Variants in FOXS1 observed in about 807,000 individuals in gnomAD.
FOXS1 encodes forkhead box S1.
A neutral mutation model predicts 13.0 loss-of-function variants in FOXS1; 7 were observed. That is an observed-to-expected ratio of 0.54 (90% CI 0.31 to 1.01). The LOEUF (loss-of-function observed/expected upper bound fraction) is 1.01, where lower values mean the gene tolerates loss of function less well. Among genes scored for constraint, FOXS1 ranks in the 50% least tolerant of loss-of-function variants. The pLI, the probability that FOXS1 is intolerant of heterozygous loss-of-function variation, is 0.06. For missense variants in FOXS1, 414 were observed against 464.1 expected (o/e 0.89, Z 0.99); for synonymous variants, 161 against 189.3 (o/e 0.85, Z 1.23).
At position 31,845,076 on chromosome 20, in the gene FOXS1, G is replaced by T; in HGVS notation, c.467C>A (p.Pro156Gln). 6.2e-7 allele frequency: 1 copy of T among 1,610,708 alleles called. No homozygotes were observed. Among genetic ancestry groups the T allele is most frequent in the Non-Finnish European group, 8.5e-7 (1 of 1,179,632 alleles). ...TAGGCCCTTGGGATCTGGCAGCTCT[G>T]GTGGGAATGAGCACTGCCTGCCGGT... is the stretch of plus-strand genomic sequence containing the variant. The part of the protein sequence containing the change: ...ATTGRQCSFP[P>Q]ELPDPKGLSF... The change falls in exon 1 of 1, where the codon CCA becomes CAA. Residue 156 changes from proline to glutamine, a missense_variant. Physicochemically the swap from Pro to Gln is moderately conservative, Grantham distance 76. Coordinates refer to ENST00000375978, the MANE Select transcript of FOXS1 (RefSeq NM_004118.4).
chr20:31,844,992 C>A lies in FOXS1; in HGVS notation c.551G>T (p.Gly184Val), dbSNP rs931240446. The stretch of plus-strand genomic sequence containing the variant: ...GGGCTCCATGGGTGGCCGAGGCCTG[C>A]CATCAGTGGTTGCTGGGCACATACT... ...PASMCPATTD[G>V]RPRPPMEPKE... The change falls in exon 1 of 1, where the codon GGC becomes GTC. Residue 184 changes from glycine (G) to valine (V), a missense_variant. Transcript: ENST00000375978. The A allele has an allele frequency of 1.9e-6, 3 of 1,614,044 alleles. No homozygotes were observed. The highest frequency in any genetic ancestry group is 2.5e-6 in the Non-Finnish European group (3 of 1,180,004).
Position 31,845,553 on chromosome 20 carries a change from C to A in FOXS1, c.-11G>T. The A allele has an allele frequency of 6.2e-7, 1 of 1,608,890 alleles. No individual in the cohort carries two copies. Among genetic ancestry groups the A allele is most frequent in the Non-Finnish European group, 8.5e-7 (1 of 1,176,848 alleles). ...AGGCTGCTGCTGCATGCTGGCCGGGCTGCCAGGCTGCTGGGACCTGCTGGG... is the reference window on the plus strand; with the variant it reads ...AGGCTGCTGCTGCATGCTGGCCGGGATGCCAGGCTGCTGGGACCTGCTGGG... On this transcript the variant is annotated 5_prime_UTR_variant, in exon 1 of 1. Coordinates refer to ENST00000375978, the MANE Select transcript of FOXS1 (RefSeq NM_004118.4).
chr20:31,844,785 T>G lies in FOXS1; in HGVS notation c.758A>C (p.Gln253Pro), dbSNP rs1358505509. 1.2e-6 allele frequency: 2 copies of G among 1,614,056 alleles called. No individual in the cohort carries two copies. Among genetic ancestry groups the G allele is most frequent in the Admixed American group, 3.3e-5 (2 of 60,010 alleles). ...AGCCCCCATGCAAAAATTCAGTGCC[T>G]GCAGCCGACACTGGTAGCTGCTCCC... ...GIGSSYQCRL[Q>P]ALNFCMGADP... Residue 253 changes from glutamine to proline, a missense_variant, in exon 1 of 1, where the codon CAG becomes CCG. Physicochemically the swap from Gln to Pro is moderately conservative, Grantham distance 76. Transcript: ENST00000375978.
At position 31,844,370 on chromosome 20, in the gene FOXS1, C is replaced by CA; in HGVS notation, c.*179dup. On this transcript the variant is annotated 3_prime_UTR_variant, in exon 1 of 1. Coordinates refer to ENST00000375978, the MANE Select transcript of FOXS1 (RefSeq NM_004118.4). Reference sequence around the variant, plus strand: ...AATCCCAAGAGGCCCTGCTTCCCCTCACCCCCAAGTTTGTCCGGAGGCCCC... The same window carrying CA: ...AATCCCAAGAGGCCCTGCTTCCCCTCAACCCCCAAGTTTGTCCGGAGGCCCC... The CA allele has an allele frequency of 1.4e-6, 1 of 692,474 alleles. No individual in the cohort carries two copies. Among genetic ancestry groups the CA allele is most frequent in the South Asian group, 1.9e-5 (1 of 51,990 alleles). 42.9% of individuals were successfully genotyped at this position (692,474 alleles called of 1,614,324 possible).
Position 31,844,618 on chromosome 20 carries a change from C to T in FOXS1, c.925G>A (p.Gly309Ser), listed in dbSNP as rs2062361654. ...WVAGGFPVQG[G>S]SGYPLGLTPC... ...GTCAGCCCCAATGGGTAGCCGGAGC[C>T]TCCCTGGACAGGGAAGCCACCTGCA... The change falls in exon 1 of 1, where the codon GGC (glycine) becomes AGC (serine). Residue 309 changes from glycine to serine, a missense_variant. By Grantham distance (56) the Gly-to-Ser change is moderately conservative. Coordinates refer to ENST00000375978, the MANE Select transcript of FOXS1 (RefSeq NM_004118.4). The T allele has an allele frequency of 6.2e-7, 1 of 1,614,054 alleles. No individual in the cohort carries two copies. The highest frequency in any genetic ancestry group is 8.5e-7 in the Non-Finnish European group (1 of 1,179,984).
At position 31,844,355 on chromosome 20, in the gene FOXS1, G is replaced by T; in HGVS notation, c.*195C>A. Reference sequence around the variant, plus strand: ...GAGAGCCACAGAGTAAATCCCAAGAGGCCCTGCTTCCCCTCACCCCCAAGT... The same window carrying T: ...GAGAGCCACAGAGTAAATCCCAAGATGCCCTGCTTCCCCTCACCCCCAAGT... On this transcript the variant is annotated 3_prime_UTR_variant, in exon 1 of 1. Coordinates refer to ENST00000375978, the MANE Select transcript of FOXS1 (RefSeq NM_004118.4). 1.6e-6 allele frequency: 1 copy of T among 631,284 alleles called. No homozygotes were observed. The highest frequency in any genetic ancestry group is 2.8e-6 in the Non-Finnish European group (1 of 360,294). The allele number at this position is 631,284 out of a possible 1,614,324, so 39.1% of individuals were successfully genotyped here.
At position 31,844,424 on chromosome 20, in the gene FOXS1, C is replaced by T. The variant is rs914253550; in HGVS notation, c.*126G>A. ...GGCCTGGCTGAGCACCGCTTCAATC[C>T]TGGCTTTCTGTGTGGTTGTCCTTGG... On this transcript the variant is annotated 3_prime_UTR_variant, in exon 1 of 1. Transcript: ENST00000375978. The T allele has an allele frequency of 1.6e-6, 2 of 1,243,506 alleles. No homozygotes were observed. The highest frequency in any genetic ancestry group is 1.5e-5 in the African/African-American group (1 of 66,276). The allele number at this position is 1,243,506 out of a possible 1,614,324, so 77.0% of individuals were successfully genotyped here.
In FOXS1 at chr20:31,844,680, G is replaced by A. The variant is rs781207851; in HGVS notation, c.863C>T (p.Pro288Leu). Reference protein sequence around the residue: ...PPTPPGSLRAPLPLPTDHKEP... With the variant: ...PPTPPGSLRALLPLPTDHKEP... ...CTTGTGGTCAGTTGGCAGGGGCAGT[G>A]GGGCCCGGAGTGAGCCTGGAGGGGT... Residue 288 changes from proline (P) to leucine (L), a missense_variant, in exon 1 of 1, where the codon CCA (proline) becomes CTA (leucine). Physicochemically the swap from Pro to Leu is moderately conservative, Grantham distance 98 (BLOSUM62 -3). Transcript: ENST00000375978. 2 of 1,613,212 alleles carry A rather than the reference G, an allele frequency of 1.2e-6. No individual in the cohort carries two copies. The highest frequency in any genetic ancestry group is 8.5e-7 in the Non-Finnish European group (1 of 1,179,368).
rs753931627 is a variant in FOXS1 at position 31,844,638 on chromosome 20, C to T, written c.905G>A (p.Gly302Asp). 1 of 1,613,938 alleles carries T rather than the reference C, an allele frequency of 6.2e-7. No individual in the cohort carries two copies. Among genetic ancestry groups the T allele is most frequent in the South Asian group, 1.1e-5 (1 of 91,074 alleles). ...PTDHKEPWVA[G>D]GFPVQGGSGY... ...GGAGCCTCCCTGGACAGGGAAGCCA[C>T]CTGCAACCCAGGGTTCCTTGTGGTC... The change falls in exon 1 of 1, where the codon GGT becomes GAT. Residue 302 changes from glycine (G) to aspartate (D), a missense_variant. Coordinates refer to ENST00000375978, the MANE Select transcript of FOXS1 (RefSeq NM_004118.4).
chr20:31,845,518 G>A lies in FOXS1; in HGVS notation c.25C>T (p.Pro9Ser), dbSNP rs2062370002. ...GTTGGCTCAGTTGTGGGGGCGCCAG[G>A]CCCGGGCAGAGGCTGCTGCTGCATG... is the stretch of plus-strand genomic sequence containing the variant. MQQQPLPG[P>S]GAPTTEPTKP... The change falls in exon 1 of 1, where the codon CCT becomes TCT. Residue 9 changes from proline to serine, a missense_variant. Coordinates refer to ENST00000375978, the MANE Select transcript of FOXS1 (RefSeq NM_004118.4). 6.2e-7 allele frequency: 1 copy of A among 1,613,610 alleles called. No individual in the cohort carries two copies. Among genetic ancestry groups the A allele is most frequent in the African/African-American group, 1.3e-5 (1 of 75,058 alleles).
In FOXS1 at chr20:31,844,467, C is replaced by G; in HGVS notation, c.*83G>C. The G allele has an allele frequency of 6.6e-7, 1 of 1,516,196 alleles. No homozygotes were observed. Among genetic ancestry groups the G allele is most frequent in the South Asian group, 1.2e-5 (1 of 81,140 alleles). 93.9% of individuals were successfully genotyped at this position (1,516,196 alleles called of 1,614,324 possible). A position where few individuals can be genotyped will look rare whatever the true frequency, so the allele number is the denominator to read the frequency against. Reference sequence around the variant, plus strand: ...GTCCTTGGCTCACCAGGGCTGGGTCCTTCGAGAGTTCTTCAGGTCCTAGAG... The same window carrying G: ...GTCCTTGGCTCACCAGGGCTGGGTCGTTCGAGAGTTCTTCAGGTCCTAGAG... On this transcript the variant is annotated 3_prime_UTR_variant, in exon 1 of 1. Transcript: ENST00000375978.
rs758400595 is a variant in FOXS1 at position 31,845,014 on chromosome 20, TACTG to T, written c.525_528del (p.Ser176CysfsTer79). 4.3e-6 allele frequency: 7 copies of T among 1,613,742 alleles called. No individual in the cohort carries two copies. In the Admixed American group the frequency reaches 1.0e-4, roughly 23 times the overall value. On this transcript the variant is annotated frameshift_variant, in exon 1 of 1. Coordinates refer to ENST00000375978, the MANE Select transcript of FOXS1 (RefSeq NM_004118.4). LOFTEE classifies it low-confidence loss of function (END_TRUNC). ...CTGCCATCAGTGGTTGCTGGGCACA[TACTG>T]GCTGGCATGGCCCCCACCAGACCCC...
In FOXS1 at chr20:31,844,335, C is replaced by G; in HGVS notation, c.*215G>C. The G allele has an allele frequency of 1.7e-6, 1 of 598,670 alleles. No homozygotes were observed. The highest frequency in any genetic ancestry group is 2.9e-5 in the East Asian group (1 of 34,144). 37.1% of individuals were successfully genotyped at this position (598,670 alleles called of 1,614,324 possible). A position where few individuals can be genotyped will look rare whatever the true frequency, so the allele number is the denominator to read the frequency against. On this transcript the variant is annotated 3_prime_UTR_variant, in exon 1 of 1. Coordinates refer to ENST00000375978, the MANE Select transcript of FOXS1 (RefSeq NM_004118.4). ...CACATGGCTTTATTGGCCCTGAGAGCCACAGAGTAAATCCCAAGAGGCCCT... is the reference window on the plus strand; with the variant it reads ...CACATGGCTTTATTGGCCCTGAGAGGCACAGAGTAAATCCCAAGAGGCCCT...
Position 31,845,000 on chromosome 20 carries a change from G to A in FOXS1, c.543C>T (p.Thr181=). ...GAMPASMCPA[T]TDGRPRPPME... is the part of the protein sequence containing the mutation. ...TGGGTGGCCGAGGCCTGCCATCAGT[G>A]GTTGCTGGGCACATACTGGCTGGCA... The change falls in exon 1 of 1, where the codon ACC becomes ACT. Residue 181 remains threonine, a synonymous_variant. Coordinates refer to ENST00000375978, the MANE Select transcript of FOXS1 (RefSeq NM_004118.4). 6.2e-7 allele frequency: 1 copy of A among 1,613,996 alleles called. No homozygotes were observed. Among genetic ancestry groups the A allele is most frequent in the Non-Finnish European group, 8.5e-7 (1 of 1,180,008 alleles).
Position 31,845,265 on chromosome 20 carries a change from G to T in FOXS1, c.278C>A (p.Thr93Lys). The T allele has an allele frequency of 6.2e-7, 1 of 1,614,184 alleles. No individual in the cohort carries two copies. Among genetic ancestry groups the T allele is most frequent in the Non-Finnish European group, 8.5e-7 (1 of 1,180,022 alleles). ...CATGTCGTGGCAGTCAGGGTCCAGC[G>T]TCCAGTAGCTGCCCTTGCCTGGCTT... is the stretch of plus-strand genomic sequence containing the variant. ...DRKPGKGSYW[T>K]LDPDCHDMFE... Residue 93 changes from threonine (T) to lysine (K), a missense_variant, in exon 1 of 1, where the codon ACG becomes AAG. Transcript: ENST00000375978.
At position 31,844,453 on chromosome 20, in the gene FOXS1, A is replaced by T; in HGVS notation, c.*97T>A. On this transcript the variant is annotated 3_prime_UTR_variant, in exon 1 of 1. Transcript: ENST00000375978. The stretch of plus-strand genomic sequence containing the variant: ...CTTTCTGTGTGGTTGTCCTTGGCTC[A>T]CCAGGGCTGGGTCCTTCGAGAGTTC... 6.9e-7 allele frequency: 1 copy of T among 1,442,922 alleles called. No individual in the cohort carries two copies. The highest frequency in any genetic ancestry group is 9.5e-7 in the Non-Finnish European group (1 of 1,055,790). 89.4% of individuals were successfully genotyped at this position (1,442,922 alleles called of 1,614,324 possible).
In FOXS1 at chr20:31,845,130, C is replaced by A. The variant is rs201074084; in HGVS notation, c.413G>T (p.Ser138Ile). ...GGCGTTGGGGACTCCTGGGTCCTGG[C>A]TGGTCGCCCTGAGGGGTCCACGGCG... ...KARRGPLRATSQDPGVPNATT... is the reference protein window; with the variant it reads ...KARRGPLRATIQDPGVPNATT... The change falls in exon 1 of 1, where the codon AGC (serine) becomes ATC (isoleucine). Residue 138 changes from serine (S) to isoleucine (I), a missense_variant. Transcript: ENST00000375978. 3.5e-5 allele frequency: 57 copies of A among 1,606,900 alleles called. No homozygotes were observed. Among genetic ancestry groups the A allele is most frequent in the Non-Finnish European group, 2.5e-6 (3 of 1,177,184 alleles).
Position 31,844,860 on chromosome 20 carries a change from T to A in FOXS1, c.683A>T (p.Glu228Val). 6.2e-7 allele frequency: 1 copy of A among 1,614,216 alleles called. No individual in the cohort carries two copies. Among genetic ancestry groups the A allele is most frequent in the African/African-American group, 1.3e-5 (1 of 75,072 alleles). The change falls in exon 1 of 1, where the codon GAG (glutamate) becomes GTG (valine). Residue 228 changes from glutamate (E) to valine (V), a missense_variant. Glu to Val is a moderately radical substitution (Grantham distance 121, BLOSUM62 -2). Coordinates refer to ENST00000375978, the MANE Select transcript of FOXS1 (RefSeq NM_004118.4). Reference protein sequence around the residue: ...FGFPAGFSEAESFNKAPTPVL... With the variant: ...FGFPAGFSEAVSFNKAPTPVL... ...GGGCGTAGGGGCCTTATTAAAACTC[T>A]CAGCCTCTGAGAAGCCGGCAGGAAA...
Position 31,844,590 on chromosome 20 carries a change from G to A in FOXS1, c.953C>T (p.Pro318Leu). Residue 318 changes from proline (P) to leucine (L), a missense_variant, in exon 1 of 1, where the codon CCC (proline) becomes CTC (leucine). By Grantham distance (98) the Pro-to-Leu change is moderately conservative (BLOSUM62 -3). Transcript: ENST00000375978. ...CATTCCTGGCGTCCGGTATAGGCAG[G>A]GGGTCAGCCCCAATGGGTAGCCGGA... is the stretch of plus-strand genomic sequence containing the variant. ...GGSGYPLGLT[P>L]CLYRTPGMFF... 6.2e-7 allele frequency: 1 copy of A among 1,614,064 alleles called. No homozygotes were observed.
Sources: allele counts gnomAD v4.1 joint callset, GRCh38; gene constraint gnomAD v4.1.1; transcripts MANE v1.5; gene names NCBI Gene and HGNC (gene_info 2026-07-23, HGNC 2026-07-21).